IL1RAPL2: variants seen among roughly 807,000 people sequenced by gnomAD.
IL1RAPL2 encodes X-linked interleukin-1 receptor accessory protein-like 2.
IL1RAPL2 carries 3 observed loss-of-function variants against 44.1 expected under a neutral mutation model. The observed-to-expected ratio is 0.07, with a 90% confidence interval of 0.03 to 0.18. The LOEUF is 0.18. IL1RAPL2 is among the 10% of genes least tolerant of loss of function. The probability of loss-of-function intolerance (pLI) is 1.00; values close to 1 mark genes in which losing one functional copy is unlikely to be tolerated. For missense variants in IL1RAPL2, 391 were observed against 496.4 expected, an observed-to-expected ratio of 0.79 and a Z score of 2.02; for synonymous variants, 181 against 178.8, an observed-to-expected ratio of 1.01 and a Z score of -0.10.
At chrX:104,788,791 CATT>C (rs1932811725) in intron 2 of IL1RAPL2, among the ~76,000 whole-genome samples, 1 of 111,364 alleles carries the variant, frequency 9.0e-6, no homozygotes, top group African/African-American at 3.3e-5. Flanking sequence ...TTATTAATAA[CATT>C]ATCATCATTG....
At chrX:105,666,767 G>C (rs1480606843) in intron 6 of IL1RAPL2, among the ~76,000 whole-genome samples, 1 of 111,448 alleles carries the variant, frequency 9.0e-6, no homozygotes, top group African/African-American at 3.3e-5. Flanking sequence ...TTATCCATAT[G>C]GACAGGCGCC....
At chrX:105,008,330 G>T (rs1294178873) in intron 2 of IL1RAPL2, among the ~76,000 whole-genome samples, 4 of 111,539 alleles carry the variant, frequency 3.6e-5, no homozygotes, top group Non-Finnish European at 7.6e-5. Flanking sequence ...ACATTGCCAT[G>T]ATGGCAACCC....
intron 8 of IL1RAPL2, among the ~76,000 whole-genome samples, chrX:105,747,558 A>G: frequency 9.9e-6 from 1 of 101,261 alleles, no homozygotes; most frequent in African/African-American, 3.7e-5. Flanking sequence ...ACACATATAT[A>G]CACACATATA....
chrX:105,448,231 T>C (rs1374478979), intron 5 of IL1RAPL2, among the ~76,000 whole-genome samples: 1 of 109,695 alleles, frequency 9.1e-6, no homozygotes, highest in African/African-American at 3.3e-5. Context: ...TTGGGTTAAG[T>C]GTGCTGGGTG....
At chrX:105,029,923 G>A (rs1185880664) in intron 2 of IL1RAPL2, among the ~76,000 whole-genome samples, 1 of 111,262 alleles carries the variant, frequency 9.0e-6, no homozygotes, top group African/African-American at 3.3e-5. Flanking sequence ...GTTGTTTCCT[G>A]ACTTTTTAAT....
At chrX:105,228,585 T>C in intron 3 of IL1RAPL2, among the ~76,000 whole-genome samples, 1 of 112,598 alleles carries the variant, frequency 8.9e-6, no homozygotes, top group African/African-American at 3.2e-5. Context: ...CTAAACAAGC[T>C]AACATTAAAC....
chrX:105,629,679 T>G (rs1163064543), intron 6 of IL1RAPL2, among the ~76,000 whole-genome samples: 1 of 111,778 alleles, frequency 8.9e-6, no homozygotes, highest in Non-Finnish European at 1.9e-5. Context: ...CATAAACACA[T>G]GCATCATACA....
intron 2 of IL1RAPL2, among the ~76,000 whole-genome samples, chrX:105,067,258 A>G (rs1396014277): frequency 9.0e-6 from 1 of 110,652 alleles, no homozygotes; most frequent in Non-Finnish European, 1.9e-5. Context: ...ACATACACAC[A>G]TGCACATGAA....
chrX:105,480,889 A>G (rs1276305166), intron 5 of IL1RAPL2, among the ~76,000 whole-genome samples: 1 of 112,078 alleles, frequency 8.9e-6, no homozygotes, highest in African/African-American at 3.2e-5. Context: ...CTGCTTTATC[A>G]TCACAAATGT....
At chrX:104,643,750 G>T (rs1445458020) in intron 1 of IL1RAPL2, among the ~76,000 whole-genome samples, 1 of 111,145 alleles carries the variant, frequency 9.0e-6, no homozygotes, top group Admixed American at 9.6e-5. Context: ...GAGTATTATG[G>T]TTATTGATCA....
chrX:105,369,561 C>T (rs940838554), intron 5 of IL1RAPL2, among the ~76,000 whole-genome samples: 1 of 111,461 alleles, frequency 9.0e-6, no homozygotes, highest in Non-Finnish European at 1.9e-5. Context: ...TTTATTCTGC[C>T]GTAACCAAAG....
chrX:105,205,193 CAAG>C (rs1407674424), intron 3 of IL1RAPL2, among the ~76,000 whole-genome samples: 3 of 110,446 alleles, frequency 2.7e-5, no homozygotes, highest in Admixed American at 1.9e-4. Flanking sequence ...ACCTGAATGA[CAAG>C]AAGGAGCCAG....
intron 4 of IL1RAPL2, among the ~76,000 whole-genome samples, chrX:105,234,535 G>A (rs1264302518): frequency 8.9e-6 from 1 of 111,894 alleles, no homozygotes; most frequent in Non-Finnish European, 1.9e-5. Flanking sequence ...GTGGCCAGGT[G>A]CAGTGGCTCA....
chrX:104,598,278 G>T (rs1039655943), intron 1 of IL1RAPL2, among the ~76,000 whole-genome samples: 2 of 111,698 alleles, frequency 1.8e-5, no homozygotes, highest in Non-Finnish European at 3.8e-5. Context: ...CTGCTGGAAG[G>T]CAGAGGGTTG....
At chrX:104,703,610 GAAGT>G (rs1325023428) in intron 2 of IL1RAPL2, among the ~76,000 whole-genome samples, 2 of 111,939 alleles carry the variant, frequency 1.8e-5, no homozygotes, top group African/African-American at 6.5e-5. Flanking sequence ...TGGCCTAGGT[GAAGT>G]TAGTTGCAGT....
At chrX:105,506,836 C>A (rs2036434481) in intron 6 of IL1RAPL2, among the ~76,000 whole-genome samples, 1 of 111,721 alleles carries the variant, frequency 9.0e-6, no homozygotes, top group Non-Finnish European at 1.9e-5. Context: ...AAAACTCAAG[C>A]CCAGAGAGAA....
Position 105,290,419 on chromosome X carries a change from C to A in IL1RAPL2, c.697+22878C>A, listed in dbSNP as rs1162203313. ...GGAGAAGGCTTTTCAAAGGAGATGA[C>A]TGGACAGGGATTTCAGTAATGAGTA... On this transcript the variant is annotated intron_variant, in intron 5 of 10. Transcript: ENST00000372582. 4.5e-5 allele frequency among the ~76,000 whole-genome samples: 5 copies of A among 111,299 alleles called. No homozygotes were observed. In the Admixed American group the frequency reaches 4.8e-4, roughly 11 times the overall value.
chrX:104,617,980 A>AT (rs1243001243), intron 1 of IL1RAPL2, among the ~76,000 whole-genome samples: 1 of 111,397 alleles, frequency 9.0e-6, no homozygotes, highest in Non-Finnish European at 1.9e-5. Context: ...GGCACTTCTA[A>AT]TTTTTTAATT....
chrX:105,396,346 G>T (rs2035562475), intron 5 of IL1RAPL2, among the ~76,000 whole-genome samples: 1 of 105,955 alleles, frequency 9.4e-6, no homozygotes, highest in East Asian at 3.1e-4. Flanking sequence ...AAGTTGAGAT[G>T]ACTTTACGGT....
Sources: gnomAD v4.1 joint callset for allele counts (sites outside exome capture counted in the v4.1 genomes callset) on GRCh38, gnomAD v4.1.1 for gene constraint, MANE v1.5 for transcripts, NCBI Gene and HGNC (gene_info 2026-07-23, HGNC 2026-07-21) for gene names.